The following RPAP3 variants were observed in gnomAD, a reference collection of about 807,000 sequenced individuals.
RPAP3 encodes the protein RNA polymerase II associated protein 3.
Under a neutral mutation model 88.8 loss-of-function variants are expected in RPAP3, and 58 were observed. The observed-to-expected ratio is 0.65, with a 90% CI of 0.53 to 0.81. RPAP3 has a LOEUF of 0.81. RPAP3 is among the 40% of genes least tolerant of loss of function. RPAP3 has a pLI of 0.00. For missense variants in RPAP3, 751 were observed against 764.3 expected (o/e 0.98, Z 0.20); for synonymous variants, 255 against 259.9 (o/e 0.98, Z 0.18).
intron 3 of RPAP3, 128 bp from the exon 4 acceptor site, chr12:47,697,847 A>T: frequency 1.3e-6 from 1 of 779,072 alleles, no homozygotes; most frequent in Non-Finnish European, 2.0e-6. Flanking sequence ...ACAGCCTTAC[A>T]AAGCAACCCA....
chr12:47,667,175 A>C (rs1471866975), intron 15 of RPAP3, 95 bp from the exon 16 acceptor site: 3 of 462,962 alleles, frequency 6.5e-6, no homozygotes, highest in Non-Finnish European at 1.1e-5. Flanking sequence ...AATTATACAT[A>C]AATGACATCA....
chr12:47,689,919 T>C (rs923849294), intron 6 of RPAP3, among the ~76,000 whole-genome samples: 4 of 151,782 alleles, frequency 2.6e-5, no homozygotes, highest in African/African-American at 7.3e-5. Flanking sequence ...TGGGCACCTG[T>C]AATCCCGGAT....
chr12:47,677,952 G>A (rs1296967117), intron 12 of RPAP3, among the ~76,000 whole-genome samples: 1 of 152,086 alleles, frequency 6.6e-6, no homozygotes, highest in African/African-American at 2.4e-5. Context: ...ACAATCCTAA[G>A]GAATAAGAAC....
At chr12:47,672,694 TACTA>T (rs1176690880) in intron 12 of RPAP3, among the ~76,000 whole-genome samples, 1 of 152,190 alleles carries the variant, frequency 6.6e-6, no homozygotes, top group Non-Finnish European at 1.5e-5. Flanking sequence ...CCCACTAGGA[TACTA>T]ACTTTGTTGA....
At chr12:47,702,511 G>A (rs1028616818) in intron 2 of RPAP3, among the ~76,000 whole-genome samples, 177 bp downstream of exon 2, 1 of 152,004 alleles carries the variant, frequency 6.6e-6, no homozygotes, top group Non-Finnish European at 1.5e-5. Context: ...CCGAGATCGC[G>A]CCACTGCACT....
At position 47,663,451 on chromosome 12, in the gene RPAP3, T is replaced by C. The variant is rs1003595304; in HGVS notation, c.*54A>G. 5 of 1,141,874 alleles carry C rather than the reference T, an allele frequency of 4.4e-6. No homozygotes were observed. The highest frequency in any genetic ancestry group is 2.4e-5 in the East Asian group (1 of 42,018). 70.7% of individuals were successfully genotyped at this position (1,141,874 alleles called of 1,614,324 possible). On this transcript the variant is annotated 3_prime_UTR_variant, in exon 17 of 17. Coordinates refer to ENST00000005386, the MANE Select transcript of RPAP3 (RefSeq NM_024604.3). ...TTCTTAAAAAGCAAAACACTTTCAG[T>C]AGAAAAAATTTACATATGAAAGTCA...
intron 14 of RPAP3, among the ~76,000 whole-genome samples, chr12:47,668,053 G>A (rs561613403): frequency 1.9e-4 from 29 of 152,142 alleles, no homozygotes; most frequent in African/African-American, 6.0e-4. Context: ...AAAATTAGCC[G>A]GGCATGGTGG....
chr12:47,696,241 C>T, intron 5 of RPAP3, 35 bp downstream of exon 5: 1 of 1,464,166 alleles, frequency 6.8e-7, no homozygotes, highest in Non-Finnish European at 9.1e-7. Context: ...ATACATAAGA[C>T]ATTCACATTC....
intron 12 of RPAP3, among the ~76,000 whole-genome samples, chr12:47,678,137 A>G (rs1418597791): frequency 6.6e-6 from 1 of 152,240 alleles, no homozygotes; most frequent in Non-Finnish European, 1.5e-5. Context: ...TGACAAAAAC[A>G]AGAAATGGGA....
intron 12 of RPAP3, among the ~76,000 whole-genome samples, chr12:47,672,561 G>A (rs975355342): frequency 6.6e-6 from 1 of 152,070 alleles, no homozygotes; most frequent in Non-Finnish European, 1.5e-5. Context: ...TATCAAGTGG[G>A]GCTCAAATCC....
chr12:47,671,322 GTA>G (rs939446108), intron 12 of RPAP3, among the ~76,000 whole-genome samples: 3 of 152,102 alleles, frequency 2.0e-5, no homozygotes, highest in African/African-American at 4.8e-5. Context: ...ATATACTTTT[GTA>G]TATGTTTGAA....
In RPAP3 at chr12:47,689,131, G is replaced by T; in HGVS notation, c.732C>A (p.Ile244=). 7.1e-7 allele frequency: 1 copy of T among 1,403,646 alleles called. No individual in the cohort carries two copies. The highest frequency in any genetic ancestry group is 1.0e-6 in the Non-Finnish European group (1 of 999,770). The allele number at this position is 1,403,646 out of a possible 1,614,324, so 86.9% of individuals were successfully genotyped here. A position where few individuals can be genotyped will look rare whatever the true frequency, so the allele number is the denominator to read the frequency against. Residue 244 remains isoleucine, a synonymous_variant, in exon 7 of 17, where the codon ATC becomes ATA. Coordinates refer to ENST00000005386, the MANE Select transcript of RPAP3 (RefSeq NM_024604.3). The stretch of plus-strand genomic sequence containing the variant: ...TTAAATAACTATAGTTTACCTGACT[G>T]ATTTTCCTGAGTTCATTTGTTGCTT... ...NFEATNELRK[I]SQALASKENS...
intron 1 of RPAP3, among the ~76,000 whole-genome samples, chr12:47,703,532 G>A (rs759237874): frequency 2.0e-5 from 3 of 152,164 alleles, no homozygotes; most frequent in Admixed American, 6.5e-5. Flanking sequence ...AGAACCCTGC[G>A]TCAGAGGTAC....
rs1045764107 is a variant in RPAP3 at position 47,689,339 on chromosome 12, C to G, written c.668-144G>C. On this transcript the variant is annotated intron_variant, in intron 6 of 16. Transcript: ENST00000005386. ...GAAACAAAGAAATACTATCATTAGG[C>G]CACTGAACTTTCTTTTTTTGAGACA... 1.6e-5 allele frequency: 8 copies of G among 498,640 alleles called. No homozygotes were observed. In the African/African-American group the frequency reaches 1.6e-4, roughly 10 times the overall value. The allele number at this position is 498,640 out of a possible 1,614,324, so 30.9% of individuals were successfully genotyped here.
intron 5 of RPAP3, among the ~76,000 whole-genome samples, chr12:47,691,750 T>C (rs1283055319): frequency 6.6e-6 from 1 of 151,922 alleles, no homozygotes; most frequent in Non-Finnish European, 1.5e-5. Flanking sequence ...AATCCTTTTT[T>C]TTTTCTTTTT....
intron 1 of RPAP3, among the ~76,000 whole-genome samples, chr12:47,704,352 TA>T (rs1034922769): frequency 6.6e-6 from 1 of 152,158 alleles, no homozygotes; most frequent in Non-Finnish European, 1.5e-5. Context: ...TATTTAGTCA[TA>T]AAAAGACTAT....
chr12:47,694,500 C>T (rs7298221), intron 5 of RPAP3, among the ~76,000 whole-genome samples: 7 of 151,764 alleles, frequency 4.6e-5, no homozygotes, highest in African/African-American at 1.7e-4. Context: ...TTTAAAAAAT[C>T]AAGAAGTTGA....
intron 13 of RPAP3, 34 bp downstream of exon 13, chr12:47,670,073 T>C (rs759728613): frequency 2.3e-6 from 3 of 1,331,142 alleles, no homozygotes; most frequent in Non-Finnish European, 3.2e-6. Context: ...TAACCCATTC[T>C]GGATGATCAG....
rs949223424 is a variant in RPAP3, at chr12:47,662,127, C to T, written c.*1378G>A. 3.3e-5 allele frequency: 5 copies of T among 152,086 alleles called. No individual in the cohort carries two copies. Among genetic ancestry groups the T allele is most frequent in the African/African-American group, 1.2e-4 (5 of 41,398 alleles). 9.4% of individuals were successfully genotyped at this position (152,086 alleles called of 1,614,324 possible). The stretch of plus-strand genomic sequence containing the variant: ...CTCTCTGGGGCCTCTTTTACAAGGG[C>T]CTGCCCTCTTGACCCAATCACTTCC... On this transcript the variant is annotated 3_prime_UTR_variant, in exon 17 of 17. Coordinates refer to ENST00000005386, the MANE Select transcript of RPAP3 (RefSeq NM_024604.3).
Sources: gnomAD v4.1 joint callset for allele counts (sites outside exome capture counted in the v4.1 genomes callset) on GRCh38, gnomAD v4.1.1 for gene constraint, MANE v1.5 for transcripts, NCBI Gene and HGNC (gene_info 2026-07-23, HGNC 2026-07-21) for gene names.